The following PRIM2 variants were observed in gnomAD, a reference collection of about 807,000 sequenced individuals.
PRIM2 encodes DNA primase subunit 2.
Under a neutral mutation model 67.3 loss-of-function variants are expected in PRIM2, and 39 were observed. The ratio of observed to expected loss-of-function variants is 0.58; its 90% CI spans 0.45 to 0.76. The LOEUF is 0.76. PRIM2 is among the 30% of genes least tolerant of loss of function. The probability of loss-of-function intolerance (pLI) is 0.00; values close to 1 mark genes in which losing one functional copy is unlikely to be tolerated. For synonymous variants in PRIM2, 143 were observed against 198.7 expected (o/e 0.72, Z 2.36); for missense variants, 398 against 598.7 (o/e 0.66, Z 3.50).
At position 57,364,572 on chromosome 6, in the gene PRIM2, G is replaced by A. The variant is rs12661240; in HGVS notation, c.460-15329G>A. 7.2e-5 allele frequency among the ~76,000 whole-genome samples: 11 copies of A among 151,996 alleles called. 1 individual carries two copies. The South Asian group carries it at 1.9e-3, about 26-fold the overall frequency. On this transcript the variant is annotated intron_variant, in intron 5 of 13. Transcript: ENST00000615550. ...TCAGTGACAAGTCAGCTTGCCCTTC[G>A]TTCTTCTGTGGTTAGGAGAGAGATG...
chr6:57,443,520 A>T (rs1346390665), intron 7 of PRIM2, among the ~76,000 whole-genome samples: 2 of 151,694 alleles, frequency 1.3e-5, no homozygotes, highest in East Asian at 1.9e-4. Context: ...AACATTTTTT[A>T]AAAAATGTGT....
intron 10 of PRIM2, among the ~76,000 whole-genome samples, chr6:57,538,772 CCTT>C (rs2127470417): frequency 6.6e-6 from 1 of 152,136 alleles, no homozygotes; most frequent in East Asian, 1.9e-4. Flanking sequence ...TTACATGTGG[CCTT>C]CTTCTTGCTT....
the PRIM2 span, among the ~76,000 whole-genome samples, chr6:57,307,401 C>A: frequency 6.6e-6 from 1 of 151,262 alleles, no homozygotes; most frequent in Non-Finnish European, 1.5e-5. Context: ...CTATAGGCAC[C>A]CGCCACCACA....
chr6:57,502,056 A>G (rs1284140863), intron 7 of PRIM2, among the ~76,000 whole-genome samples: 1 of 152,230 alleles, frequency 6.6e-6, no homozygotes, highest in Non-Finnish European at 1.5e-5. Context: ...CCAGAGAGAC[A>G]TAGATTAGAA....
At chr6:57,407,775 T>C (rs56265809) in intron 7 of PRIM2, among the ~76,000 whole-genome samples, 61 of 152,194 alleles carry the variant, frequency 4.0e-4, no homozygotes, top group African/African-American at 1.4e-3. Context: ...AGTTAAAGAA[T>C]TGGCTTGCTG....
intron 10 of PRIM2, among the ~76,000 whole-genome samples, chr6:57,560,818 A>G (rs1229718426): frequency 1.3e-5 from 2 of 152,208 alleles, no homozygotes; most frequent in Admixed American, 1.3e-4. Context: ...TGCTATAAAC[A>G]GATATGCTGT....
the PRIM2 span, among the ~76,000 whole-genome samples, chr6:57,235,436 C>T: frequency 6.6e-6 from 1 of 151,280 alleles, no homozygotes; most frequent in African/African-American, 2.4e-5. Flanking sequence ...TGCGCTCCAG[C>T]CTGGGCAACA....
intron 10 of PRIM2, among the ~76,000 whole-genome samples, chr6:57,583,948 T>G (rs1205621771): frequency 6.6e-6 from 1 of 152,294 alleles, no homozygotes; most frequent in Non-Finnish European, 1.5e-5. Context: ...ACCTTACAGT[T>G]AGTGAAAAGT....
chr6:57,345,652 G>C (rs1296841891), intron 5 of PRIM2, among the ~76,000 whole-genome samples: 9 of 152,132 alleles, frequency 5.9e-5, no homozygotes, highest in Non-Finnish European at 1.0e-4. Context: ...CCAAGAGAGG[G>C]TTCTTGGATC....
the PRIM2 span, among the ~76,000 whole-genome samples, chr6:57,296,229 A>C: frequency 5.3e-5 from 8 of 152,232 alleles, no homozygotes; most frequent in African/African-American, 1.7e-4. Context: ...AGAAATGCAC[A>C]TGACTAAAAC....
intron 7 of PRIM2, among the ~76,000 whole-genome samples, chr6:57,392,639 T>G (rs114363276): frequency 5.3e-4 from 74 of 140,092 alleles, no homozygotes; most frequent in African/African-American, 1.5e-3. Context: ...AAAATATTCG[T>G]TTTTTTTTTG....
intron 11 of PRIM2, among the ~76,000 whole-genome samples, chr6:57,605,865 A>G (rs1776552904): frequency 6.6e-6 from 1 of 151,974 alleles, no homozygotes; most frequent in Non-Finnish European, 1.5e-5. Flanking sequence ...TGATTCTTTT[A>G]CATTTTCATA....
chr6:57,543,817 T>C (rs1407870475), intron 10 of PRIM2, among the ~76,000 whole-genome samples: 4 of 152,224 alleles, frequency 2.6e-5, no homozygotes, highest in Admixed American at 1.3e-4. Flanking sequence ...ATGTGTTGTC[T>C]GTATTCTAAA....
the PRIM2 span, among the ~76,000 whole-genome samples, chr6:57,261,026 A>G: frequency 3.9e-5 from 6 of 152,320 alleles, no homozygotes; most frequent in East Asian, 9.6e-4. Context: ...TGACAGATTC[A>G]ATGGAAGTTT....
chr6:57,311,678 C>A (rs1349001453), upstream of PRIM2, among the ~76,000 whole-genome samples: 1 of 152,104 alleles, frequency 6.6e-6, no homozygotes, highest in East Asian at 1.9e-4. Flanking sequence ...CAAGGCAGGC[C>A]GCTGGGAGGT....
chr6:57,637,227 G>T (rs1582031685), intron 13 of PRIM2, among the ~76,000 whole-genome samples: 2 of 152,124 alleles, frequency 1.3e-5, no homozygotes, highest in East Asian at 3.9e-4. Context: ...ATAAAAAGGA[G>T]ATCCACTCAG....
chr6:57,346,389 T>A (rs570297062), intron 5 of PRIM2, among the ~76,000 whole-genome samples: 3 of 152,238 alleles, frequency 2.0e-5, no homozygotes, highest in Non-Finnish European at 1.5e-5. Context: ...TGATCTCAGC[T>A]CACTGCAACC....
intron 7 of PRIM2, among the ~76,000 whole-genome samples, chr6:57,441,933 AGTT>A (rs1344232272): frequency 6.6e-6 from 1 of 152,008 alleles, no homozygotes; most frequent in Non-Finnish European, 1.5e-5. Flanking sequence ...AGATGTACCC[AGTT>A]GTTTTTTATA....
the PRIM2 span, among the ~76,000 whole-genome samples, chr6:57,303,585 G>T: frequency 6.6e-6 from 1 of 152,064 alleles, no homozygotes; most frequent in South Asian, 2.1e-4. Context: ...AACCAGGGCA[G>T]CCTCACTTAT....
Sources: allele counts gnomAD v4.1 joint callset (sites outside exome capture counted in the v4.1 genomes callset), GRCh38; gene constraint gnomAD v4.1.1; transcripts MANE v1.5; gene names NCBI Gene and HGNC (gene_info 2026-07-23, HGNC 2026-07-21).